The following NELL2 variants were observed in gnomAD, a reference collection of about 807,000 sequenced individuals.
NELL2 encodes the protein neural EGFL like 2, also known as protein kinase C-binding protein NELL2.
A neutral mutation model predicts 109.6 loss-of-function variants in NELL2; 41 were observed. The observed-to-expected ratio is 0.37, with a 90% CI of 0.29 to 0.49. The LOEUF (loss-of-function observed/expected upper bound fraction) is 0.49. NELL2 is among the 20% of genes least tolerant of loss of function. The pLI is 0.98. For synonymous variants in NELL2, 355 were observed against 344.7 expected (o/e 1.03, Z -0.33); for missense variants, 900 against 1,008.3 (o/e 0.89, Z 1.45).
At chr12:44,671,918 A>G (rs1465593104) in intron 12 of NELL2, among the ~76,000 whole-genome samples, 1 of 152,218 alleles carries the variant, frequency 6.6e-6, no homozygotes, top group East Asian at 1.9e-4. Flanking sequence ...GTGCACAAAG[A>G]TATGAACAAT....
chr12:44,705,838 C>T (rs1344248102), intron 11 of NELL2, among the ~76,000 whole-genome samples: 2 of 152,192 alleles, frequency 1.3e-5, no homozygotes, highest in Non-Finnish European at 2.9e-5. Context: ...CTGTTTCAAA[C>T]AACTTTCAGA....
At chr12:44,772,947 T>C (rs1941604802) in intron 9 of NELL2, among the ~76,000 whole-genome samples, 1 of 152,216 alleles carries the variant, frequency 6.6e-6, no homozygotes, top group South Asian at 2.1e-4. Context: ...TTTCATTATG[T>C]CTAACCGCAT....
chr12:44,865,960 T>A (rs1179615710), intron 2 of NELL2, among the ~76,000 whole-genome samples: 1 of 152,156 alleles, frequency 6.6e-6, no homozygotes, highest in African/African-American at 2.4e-5. Context: ...ATGCATAATG[T>A]GATATTATCA....
intron 15 of NELL2, among the ~76,000 whole-genome samples, chr12:44,554,124 A>G (rs1182637173): frequency 6.6e-6 from 1 of 152,190 alleles, no homozygotes; most frequent in Non-Finnish European, 1.5e-5. Flanking sequence ...AATGGACTCC[A>G]AACTTGAGCT....
chr12:44,689,641 A>C (rs1948838979), intron 12 of NELL2, among the ~76,000 whole-genome samples: 1 of 152,188 alleles, frequency 6.6e-6, no homozygotes, highest in African/African-American at 2.4e-5. Flanking sequence ...ACATACAACC[A>C]TGCTCCTTTT....
chr12:44,586,440 A>T (rs1254691890), intron 15 of NELL2, among the ~76,000 whole-genome samples: 3 of 151,792 alleles, frequency 2.0e-5, no homozygotes, highest in Non-Finnish European at 4.4e-5. Flanking sequence ...AATTTCTTTT[A>T]TTACTATAAC....
rs1480966504 is a variant in NELL2 at position 44,679,382 on chromosome 12, ACT to A, written c.1319-13775_1319-13774del. Among the ~76,000 whole-genome samples the A allele has an allele frequency of 3.3e-5, 5 of 152,140 alleles. No homozygotes were observed. The East Asian group carries it at 7.7e-4, about 24-fold the overall frequency. On this transcript the variant is annotated intron_variant, in intron 12 of 19. Coordinates refer to ENST00000429094, the MANE Select transcript of NELL2 (RefSeq NM_001145108.2). ...TCATCATTGTAGGAAATGAGCGAAA[ACT>A]CTGCTGGGATGCACAGTAGAATTAC...
intron 2 of NELL2, among the ~76,000 whole-genome samples, chr12:44,834,483 C>T (rs1435318244): frequency 7.2e-6 from 1 of 137,962 alleles, no homozygotes; most frequent in African/African-American, 2.7e-5. Context: ...TGATCATGTA[C>T]AAAATAAAGA....
chr12:44,723,057 T>G (rs990358012), intron 9 of NELL2, among the ~76,000 whole-genome samples: 5 of 151,844 alleles, frequency 3.3e-5, no homozygotes, highest in Admixed American at 6.6e-5. Flanking sequence ...GTCATGGTGG[T>G]GGGCGCCTGT....
At chr12:44,574,122 G>T (rs60826871) in intron 15 of NELL2, among the ~76,000 whole-genome samples, 6,072 of 151,526 alleles carry the variant, frequency 0.04, 412 homozygotes, top group African/African-American at 0.14. Flanking sequence ...GGATTGTAGT[G>T]GTGTGATCTC....
In NELL2 at chr12:44,512,617, T is replaced by C. The variant is rs1369469134; in HGVS notation, c.2401-3633A>G. Among the ~76,000 whole-genome samples the C allele has an allele frequency of 2.0e-5, 3 of 152,064 alleles. 1 individual carries two copies. Among genetic ancestry groups the C allele is most frequent in the Non-Finnish European group, 4.4e-5 (3 of 67,972 alleles). Reference sequence around the variant, plus strand: ...ATGAACAAAGAAAATGTGGCATATATCCACAATGGAATACCATCCAGACAT... The same window carrying C: ...ATGAACAAAGAAAATGTGGCATATACCCACAATGGAATACCATCCAGACAT... On this transcript the variant is annotated intron_variant, in intron 19 of 19. Coordinates refer to ENST00000429094, the MANE Select transcript of NELL2 (RefSeq NM_001145108.2).
At chr12:44,831,999 G>A (rs1482865043) in intron 2 of NELL2, among the ~76,000 whole-genome samples, 1 of 152,016 alleles carries the variant, frequency 6.6e-6, no homozygotes, top group African/African-American at 2.4e-5. Flanking sequence ...GTTCCCCGTG[G>A]GTCTCATTCT....
intron 1 of NELL2, among the ~76,000 whole-genome samples, chr12:44,906,230 G>T (rs1302965285): frequency 6.6e-6 from 1 of 152,008 alleles, no homozygotes; most frequent in African/African-American, 2.4e-5. Flanking sequence ...ACACAAGGAA[G>T]CAGTATGCCT....
chr12:44,688,534 A>G (rs1173859154), intron 12 of NELL2, among the ~76,000 whole-genome samples: 2 of 152,344 alleles, frequency 1.3e-5, no homozygotes, highest in Non-Finnish European at 2.9e-5. Context: ...CCATTTTAAT[A>G]GACGAGGAGG....
chr12:44,594,766 T>C (rs1354925865), intron 15 of NELL2, among the ~76,000 whole-genome samples: 10 of 152,190 alleles, frequency 6.6e-5, no homozygotes. Flanking sequence ...TTATCTAAAA[T>C]TAGTTTATTT....
chr12:44,643,334 T>TA (rs1402103144), intron 13 of NELL2, among the ~76,000 whole-genome samples: 2 of 152,190 alleles, frequency 1.3e-5, no homozygotes, highest in Admixed American at 1.3e-4. Context: ...TGTTGTGAAA[T>TA]ATTGATATGA....
At chr12:44,741,745 G>A (rs549441802) in intron 9 of NELL2, among the ~76,000 whole-genome samples, 34 of 152,292 alleles carry the variant, frequency 2.2e-4, no homozygotes, top group Admixed American at 7.8e-4. Flanking sequence ...AGGTGGCAGC[G>A]AGGCTGGGGG....
chr12:44,746,143 G>A (rs1223117079), intron 9 of NELL2, among the ~76,000 whole-genome samples: 24 of 152,090 alleles, frequency 1.6e-4, no homozygotes, highest in South Asian at 8.3e-4. Context: ...AAATAATGCC[G>A]CGTATCTACA....
At chr12:44,540,465 T>A (rs775763392) in intron 15 of NELL2, among the ~76,000 whole-genome samples, 3 of 151,768 alleles carry the variant, frequency 2.0e-5, no homozygotes, top group Non-Finnish European at 4.4e-5. Flanking sequence ...GTTTGAAGAG[T>A]CTTGAAATAC....
Sources: allele counts gnomAD v4.1 joint callset (sites outside exome capture counted in the v4.1 genomes callset), GRCh38; gene constraint gnomAD v4.1.1; transcripts MANE v1.5; gene names NCBI Gene and HGNC (gene_info 2026-07-23, HGNC 2026-07-21).